MILR1: variants seen among roughly 807,000 people sequenced by gnomAD.
MILR1 encodes mast cell immunoglobulin like receptor 1, also known as allergin-1.
A neutral mutation model predicts 18.5 loss-of-function variants in MILR1; 31 were observed. The ratio of observed to expected loss-of-function variants is 1.68; its 90% confidence interval spans 1.26 to 2.26. MILR1 has a LOEUF of 2.26. Ranked by LOEUF, MILR1 falls within the 30% of genes most tolerant of loss-of-function variation. The pLI is 0.00. For synonymous variants in MILR1, 85 were observed against 56.2 expected (o/e 1.51, Z -2.30); for missense variants, 257 against 157.4 (o/e 1.63, Z -3.38).
At chr17:64,451,282 C>T (rs954200765) in intron 2 of MILR1, among the ~76,000 whole-genome samples, 12 of 152,044 alleles carry the variant, frequency 7.9e-5, no homozygotes, top group Admixed American at 5.2e-4. Context: ...TAGTGCCATA[C>T]AGGTACGCAC....
At chr17:64,472,399 G>A (rs2037700458), downstream of MILR1, among the ~76,000 whole-genome samples, 1 of 142,838 alleles carries the variant, frequency 7.0e-6, no homozygotes, top group Admixed American at 7.4e-5. Context: ...CTGGGAGGTG[G>A]AGGTTGCAGT....
At chr17:64,483,802 C>T in the MILR1 span, among the ~76,000 whole-genome samples, 1 of 151,784 alleles carries the variant, frequency 6.6e-6, no homozygotes, top group South Asian at 2.1e-4. Context: ...ACCCCCACCT[C>T]TGGGCTCAAG....
At chr17:64,452,082 GTTTTT>G (rs34558703) in intron 2 of MILR1, among the ~76,000 whole-genome samples, 1 of 137,172 alleles carries the variant, frequency 7.3e-6, no homozygotes, top group African/African-American at 2.6e-5. Flanking sequence ...TCCCAGCTAT[GTTTTT>G]TTTTTTTTTT....
rs782430288 is a variant in MILR1, at chr17:64,467,558, A to G, written c.980-7A>G. 2 of 1,494,670 alleles carry G rather than the reference A, an allele frequency of 1.3e-6. No homozygotes were observed. The highest frequency in any genetic ancestry group is 2.3e-5 in the East Asian group (1 of 43,172). The allele number at this position is 1,494,670 out of a possible 1,614,324, so 92.6% of individuals were successfully genotyped here. ...CTAAGTAAATTATTTTCCCTTTTAT[A>G]TTTCAGAAGCCTGTGATTCTTATAA... On this transcript the variant is annotated splice_region_variant and splice_polypyrimidine_tract_variant and intron_variant, in intron 8 of 9. Coordinates refer to ENST00000619286, the MANE Select transcript of MILR1 (RefSeq NM_001085423.2).
the MILR1 span, among the ~76,000 whole-genome samples, chr17:64,476,222 A>G: frequency 1.2e-3 from 187 of 152,314 alleles, no homozygotes; most frequent in African/African-American, 4.3e-3. Context: ...GATTTTTTTA[A>G]AAAGAAAAAT....
intron 3 of MILR1, among the ~76,000 whole-genome samples, chr17:64,454,784 A>G (rs2037253448): frequency 6.6e-6 from 1 of 152,162 alleles, no homozygotes; most frequent in African/African-American, 2.4e-5. Context: ...ACCTGAGCCC[A>G]GGAGTTTGAG....
intron 5 of MILR1, among the ~76,000 whole-genome samples, chr17:64,462,030 C>T (rs2037443257): frequency 6.6e-6 from 1 of 152,178 alleles, no homozygotes; most frequent in East Asian, 1.9e-4. Context: ...ACCCGGGTTG[C>T]TTCCACCTTT....
At chr17:64,476,244 A>G in the MILR1 span, among the ~76,000 whole-genome samples, 1 of 152,220 alleles carries the variant, frequency 6.6e-6, no homozygotes, top group African/African-American at 2.4e-5. Flanking sequence ...TAAACATACT[A>G]CCATTATCAC....
chr17:64,492,065 C>T, the MILR1 span, among the ~76,000 whole-genome samples: 1 of 151,936 alleles, frequency 6.6e-6, no homozygotes, highest in Admixed American at 6.6e-5. Flanking sequence ...TGATGTTATC[C>T]AGACTTTTAT....
chr17:64,462,115 G>A (rs1024702541), intron 5 of MILR1, among the ~76,000 whole-genome samples: 8 of 152,084 alleles, frequency 5.3e-5, no homozygotes, highest in Non-Finnish European at 8.8e-5. Flanking sequence ...CCTTTTCCTC[G>A]TATGACTGCT....
At chr17:64,482,927 G>A in the MILR1 span, 1 of 1,572,928 alleles carries the variant, frequency 6.4e-7, no homozygotes, top group East Asian at 2.2e-5. Context: ...ACCTGTCTTA[G>A]TTCCAATGTG....
chr17:64,477,814 T>A, the MILR1 span: 1 of 1,558,754 alleles, frequency 6.4e-7, no homozygotes, highest in Non-Finnish European at 8.7e-7. Flanking sequence ...ATTATACAAA[T>A]ATAAAAATCT....
chr17:64,460,736 A>C (rs1216305105), intron 4 of MILR1, 86 bp from the exon 5 acceptor site: 2 of 456,342 alleles, frequency 4.4e-6, no homozygotes, highest in Admixed American at 3.2e-5. Context: ...AACTTGGGAG[A>C]CATCACCTTT....
intron 8 of MILR1, among the ~76,000 whole-genome samples, chr17:64,467,075 T>C (rs2037587313): frequency 6.8e-6 from 1 of 146,874 alleles, no homozygotes; most frequent in Non-Finnish European, 1.5e-5. Context: ...TCTCTCTCTC[T>C]CTCTTTCTTT....
chr17:64,457,124 G>A (rs1310692878), intron 3 of MILR1, among the ~76,000 whole-genome samples: 1 of 152,156 alleles, frequency 6.6e-6, no homozygotes, highest in African/African-American at 2.4e-5. Context: ...GGAAGGGCAA[G>A]CTTGCACCCC....
At chr17:64,467,022 T>C (rs926858224) in intron 8 of MILR1, among the ~76,000 whole-genome samples, 12 of 137,978 alleles carry the variant, frequency 8.7e-5, no homozygotes, top group Non-Finnish European at 1.8e-4. Context: ...TTTTCTTTCT[T>C]TCTCTTTCTT....
At chr17:64,466,131 G>A (rs1262949861) in intron 6 of MILR1, among the ~76,000 whole-genome samples, 1 of 152,158 alleles carries the variant, frequency 6.6e-6, no homozygotes, top group East Asian at 1.9e-4. Flanking sequence ...GAGAGCCAAG[G>A]GAAGGGGGAA....
chr17:64,495,270 T>G, the MILR1 span, among the ~76,000 whole-genome samples: 1 of 150,484 alleles, frequency 6.6e-6, no homozygotes, highest in Non-Finnish European at 1.5e-5. Context: ...ACGAAGAAAG[T>G]TAGGAAATAT....
At chr17:64,477,804 A>G in the MILR1 span, 15 of 1,547,278 alleles carry the variant, frequency 9.7e-6, no homozygotes, top group Non-Finnish European at 8.7e-7. Context: ...AAGAATATTT[A>G]TTATACAAAT....
Sources: gnomAD v4.1 joint callset for allele counts (sites outside exome capture counted in the v4.1 genomes callset) on GRCh38, gnomAD v4.1.1 for gene constraint, MANE v1.5 for transcripts, NCBI Gene and HGNC (gene_info 2026-07-23, HGNC 2026-07-21) for gene names.